The following TMEM217B variants were observed in gnomAD, a reference collection of about 807,000 sequenced individuals.
The protein encoded by TMEM217B is putative transmembrane protein 217B.
At chr6:37,218,722 G>GA in the TMEM217B span, 3 of 1,614,078 alleles carry the variant, frequency 1.9e-6, no homozygotes, top group East Asian at 2.2e-5. Context: ...CAGTTTCATA[G>GA]AAAAAAATCC....
At chr6:37,222,268 G>C in the TMEM217B span, among the ~76,000 whole-genome samples, 21 of 152,320 alleles carry the variant, frequency 1.4e-4, no homozygotes, top group Middle Eastern at 3.4e-3. Flanking sequence ...CCTTACTGAG[G>C]ACCCGCCCCC....
the TMEM217B span, among the ~76,000 whole-genome samples, chr6:37,224,153 G>C: frequency 9.4e-5 from 14 of 148,882 alleles, no homozygotes; most frequent in African/African-American, 3.5e-4. Context: ...TGGCCAGGCT[G>C]GTCTTGAACT....
At chr6:37,217,530 CAGCAACAGATACAGA>C in the TMEM217B span, 1 of 652,520 alleles carries the variant, frequency 1.5e-6, no homozygotes, top group Non-Finnish European at 1.9e-6. Flanking sequence ...GAGTACAGCA[CAGCAACAGATACAGA>C]AGTATGTTTA....
chr6:37,213,377 T>C, the TMEM217B span, among the ~76,000 whole-genome samples: 1 of 152,238 alleles, frequency 6.6e-6, no homozygotes, highest in Admixed American at 6.5e-5. Context: ...TTTGCTTCTC[T>C]GAAGTCAGAA....
the TMEM217B span, among the ~76,000 whole-genome samples, chr6:37,220,121 A>G: frequency 7.9e-5 from 12 of 152,328 alleles, no homozygotes; most frequent in Admixed American, 7.8e-4. Context: ...CGCGTAAGTC[A>G]ATGAAACAGG....
the TMEM217B span, among the ~76,000 whole-genome samples, chr6:37,252,631 A>T: frequency 2.6e-5 from 2 of 77,328 alleles, no homozygotes; most frequent in African/African-American, 1.2e-4. Context: ...ATATATATAT[A>T]TATATATTTT....
the TMEM217B span, among the ~76,000 whole-genome samples, chr6:37,247,480 C>T: frequency 4.3e-3 from 651 of 151,598 alleles, 1 homozygote; most frequent in Admixed American, 7.3e-3. Flanking sequence ...CTCTGCCTCC[C>T]GGGTTAAAGC....
At chr6:37,238,890 G>A in the TMEM217B span, among the ~76,000 whole-genome samples, 1 of 152,220 alleles carries the variant, frequency 6.6e-6, no homozygotes, top group African/African-American at 2.4e-5. Context: ...CAGCAGTTTA[G>A]GAGGCCAAGG....
the TMEM217B span, among the ~76,000 whole-genome samples, chr6:37,222,661 G>C: frequency 6.6e-6 from 1 of 152,370 alleles, no homozygotes; most frequent in African/African-American, 2.4e-5. Context: ...TCCTCCAAGA[G>C]CACAGGGAGG....
the TMEM217B span, among the ~76,000 whole-genome samples, chr6:37,240,207 T>C: frequency 6.6e-6 from 1 of 152,250 alleles, no homozygotes; most frequent in South Asian, 2.1e-4. Context: ...TATTATCTCA[T>C]AATTTCCATG....
chr6:37,219,209 G>A, the TMEM217B span, among the ~76,000 whole-genome samples: 1 of 152,158 alleles, frequency 6.6e-6, no homozygotes, highest in South Asian at 2.1e-4. Context: ...ATAGATTGGG[G>A]GTGGGGAAGA....
the TMEM217B span, among the ~76,000 whole-genome samples, chr6:37,250,204 A>G: frequency 6.6e-6 from 1 of 152,250 alleles, no homozygotes; most frequent in Admixed American, 6.5e-5. Flanking sequence ...GGTAGAAAAT[A>G]TAAAAACAAG....
chr6:37,235,872 C>T, the TMEM217B span, among the ~76,000 whole-genome samples: 1 of 152,210 alleles, frequency 6.6e-6, no homozygotes, highest in Non-Finnish European at 1.5e-5. Flanking sequence ...ACCCTCATGA[C>T]TTAATCCCTT....
At chr6:37,229,349 T>TTTTTC in the TMEM217B span, among the ~76,000 whole-genome samples, 1 of 134,792 alleles carries the variant, frequency 7.4e-6, no homozygotes, top group East Asian at 2.2e-4. Flanking sequence ...TTTTTTTTTT[T>TTTTTC]TTTTTTTTTT....
At chr6:37,218,411 A>G in the TMEM217B span, 1 of 1,568,958 alleles carries the variant, frequency 6.4e-7, no homozygotes, top group Non-Finnish European at 8.7e-7. Flanking sequence ...TCCTGACCTC[A>G]GGCGATCCAC....
chr6:37,215,642 T>G, the TMEM217B span, among the ~76,000 whole-genome samples: 3 of 142,618 alleles, frequency 2.1e-5, no homozygotes, highest in African/African-American at 7.9e-5. Flanking sequence ...GTGATAAATG[T>G]GATAGAGGAA....
the TMEM217B span, chr6:37,218,154 G>A: frequency 8.6e-7 from 1 of 1,159,944 alleles, no homozygotes; most frequent in Non-Finnish European, 1.1e-6. Flanking sequence ...TTATAGTGGT[G>A]GATAAAGCTG....
chr6:37,237,131 C>T, the TMEM217B span, among the ~76,000 whole-genome samples: 1 of 152,122 alleles, frequency 6.6e-6, no homozygotes, highest in Admixed American at 6.5e-5. Context: ...TCACCAAGGC[C>T]ATATTCAAGG....
chr6:37,246,188 C>T, the TMEM217B span, among the ~76,000 whole-genome samples: 2 of 152,154 alleles, frequency 1.3e-5, no homozygotes, highest in Non-Finnish European at 2.9e-5. Context: ...CTAATTCTCT[C>T]CTGCAGTAAT....
Sources: gnomAD v4.1 joint callset for allele counts (sites outside exome capture counted in the v4.1 genomes callset) on GRCh38, gnomAD v4.1.1 for gene constraint, MANE v1.5 for transcripts, NCBI Gene and HGNC (gene_info 2026-07-23, HGNC 2026-07-21) for gene names.